The following SLC15A1 variants were observed in gnomAD, a reference collection of about 807,000 sequenced individuals.
The protein encoded by SLC15A1 is Caco-2 oligopeptide transporter.
In SLC15A1, 83 loss-of-function variants were observed where a neutral mutation model predicts 92.9. The ratio of observed to expected loss-of-function variants is 0.89; its 90% CI spans 0.75 to 1.07. SLC15A1 has a LOEUF of 1.07. Among genes scored for constraint, SLC15A1 ranks in the 50% least tolerant of loss-of-function variants. The probability of loss-of-function intolerance (pLI) is 0.00; values close to 1 mark genes in which losing one functional copy is unlikely to be tolerated. For synonymous variants in SLC15A1, 322 were observed against 318.2 expected (o/e 1.01, Z -0.13); for missense variants, 857 against 880.1 (o/e 0.97, Z 0.33).
chr13:98,699,140 T>C (rs942030638), intron 18 of SLC15A1, among the ~76,000 whole-genome samples: 3 of 152,228 alleles, frequency 2.0e-5, no homozygotes, highest in African/African-American at 7.2e-5. Flanking sequence ...ATGTGTTCTG[T>C]GTCCCTGGAG....
intron 5 of SLC15A1, 35 bp downstream of exon 5, chr13:98,723,877 G>A (rs2088278260): frequency 6.2e-7 from 1 of 1,613,318 alleles, no homozygotes. Flanking sequence ...CACAAGGTGG[G>A]AGGGTGATGG....
chr13:98,718,533 C>T (rs1308862413), intron 8 of SLC15A1, among the ~76,000 whole-genome samples: 2 of 152,004 alleles, frequency 1.3e-5, no homozygotes, highest in South Asian at 4.2e-4. Context: ...AACAAAAAAA[C>T]CAGCTAGGTG....
rs779381484 is a variant in SLC15A1, at chr13:98,711,886, G to A, written c.868C>T (p.Leu290Phe). The A allele has an allele frequency of 1.9e-6, 3 of 1,613,690 alleles. No homozygotes were observed. The highest frequency in any genetic ancestry group is 2.2e-5 in the South Asian group (2 of 91,070). ...VTRVMFLYIPLPMFWALFDQQ... is the reference protein window; with the variant it reads ...VTRVMFLYIPFPMFWALFDQQ... ...TCAAACAAGGCCCAGAACATTGGGA[G>A]TGGAATATACAGGAACATCACCCTC... is the stretch of plus-strand genomic sequence containing the variant. The change falls in exon 11 of 23, where the codon CTC becomes TTC. Residue 290 changes from leucine to phenylalanine, a missense_variant. Coordinates refer to ENST00000376503, the MANE Select transcript of SLC15A1 (RefSeq NM_005073.4).
intron 1 of SLC15A1, among the ~76,000 whole-genome samples, chr13:98,739,153 C>T (rs1419655627): frequency 2.0e-5 from 3 of 152,200 alleles, no homozygotes; most frequent in Non-Finnish European, 4.4e-5. Flanking sequence ...GAATGTTTAC[C>T]CAATGCCTAT....
intron 14 of SLC15A1, 152 bp from the exon 15 acceptor site, chr13:98,708,919 A>G: frequency 2.1e-6 from 1 of 472,742 alleles, no homozygotes; most frequent in East Asian, 3.8e-5. Flanking sequence ...TGGATTCATG[A>G]GGATTCAAGG....
rs761412933 is a variant in SLC15A1, at chr13:98,688,316, A to G, written c.1615T>C (p.Cys539Arg). The change falls in exon 20 of 23, where the codon TGT becomes CGT. Residue 539 changes from cysteine (C) to arginine (R), a missense_variant. Cys to Arg is a radical substitution (Grantham distance 180). Transcript: ENST00000376503. Reference protein sequence around the residue: ...TISSTEIPPQCQPNFNTFYLE... With the variant: ...TISSTEIPPQRQPNFNTFYLE... ...TAGAAAGTATTGAAATTAGGTTGACATTGTGGCGGAATCTCTGTTGAGCTT... is the reference window on the plus strand; with the variant it reads ...TAGAAAGTATTGAAATTAGGTTGACGTTGTGGCGGAATCTCTGTTGAGCTT... 3 of 1,614,106 alleles carry G rather than the reference A, an allele frequency of 1.9e-6. No homozygotes were observed. The highest frequency in any genetic ancestry group is 1.1e-5 in the South Asian group (1 of 91,082).
At chr13:98,744,462 A>G (rs1223678750) in intron 1 of SLC15A1, among the ~76,000 whole-genome samples, 1 of 151,948 alleles carries the variant, frequency 6.6e-6, no homozygotes, top group East Asian at 1.9e-4. Flanking sequence ...ATTAAAAGTA[A>G]TGGCAAAGCC....
At chr13:98,692,952 T>C (rs1213422195) in intron 18 of SLC15A1, among the ~76,000 whole-genome samples, 4 of 152,024 alleles carry the variant, frequency 2.6e-5, no homozygotes, top group Middle Eastern at 3.2e-3. Context: ...TTGCTCAGGC[T>C]GGTCTTGAAA....
chr13:98,726,498 C>G, intron 2 of SLC15A1, 49 bp from the exon 3 acceptor site: 1 of 1,542,462 alleles, frequency 6.5e-7, no homozygotes, highest in Non-Finnish European at 8.9e-7. Context: ...CCCCACTGGT[C>G]CATAGCCACA....
chr13:98,737,775 C>A (rs1022961557), intron 1 of SLC15A1, among the ~76,000 whole-genome samples: 10 of 152,126 alleles, frequency 6.6e-5, no homozygotes, highest in African/African-American at 1.2e-4. Context: ...TATAAAGATA[C>A]CTGAAAATGT....
chr13:98,738,004 G>A (rs1157043351), intron 1 of SLC15A1, among the ~76,000 whole-genome samples: 2 of 152,178 alleles, frequency 1.3e-5, no homozygotes, highest in Non-Finnish European at 2.9e-5. Context: ...TTATGTCTTA[G>A]CAAAGAACTT....
rs4001067 is a variant in SLC15A1, at chr13:98,711,665, G to GGTTTT, written c.900+184_900+188dup. On this transcript the variant is annotated intron_variant, in intron 11 of 22. Transcript: ENST00000376503. ...GATAGAACTACCTAGAATTGCTTTT[G>GGTTTT]GTTTTGTTTTGTTTTGTTTTGTTTT... 7.3e-5 allele frequency among the ~76,000 whole-genome samples: 11 copies of GGTTTT among 151,266 alleles called. No homozygotes were observed. The East Asian group carries it at 1.9e-3, about 27-fold the overall frequency.
intron 11 of SLC15A1, 66 bp downstream of exon 11, chr13:98,711,788 G>T: frequency 8.7e-7 from 1 of 1,150,008 alleles, no homozygotes; most frequent in Non-Finnish European, 1.3e-6. Flanking sequence ...AGTGAGCCTT[G>T]GTACCTGGCA....
At chr13:98,739,376 T>A (rs2088421892) in intron 1 of SLC15A1, among the ~76,000 whole-genome samples, 1 of 152,206 alleles carries the variant, frequency 6.6e-6, no homozygotes, top group Admixed American at 6.5e-5. Flanking sequence ...TGATACAGTT[T>A]GAATGCATGT....
chr13:98,745,096 A>T (rs1206580314), intron 1 of SLC15A1, among the ~76,000 whole-genome samples: 1 of 152,322 alleles, frequency 6.6e-6, no homozygotes. Flanking sequence ...CAGAATGGGA[A>T]CGTCGTTTTT....
chr13:98,693,973 C>T (rs555644147), intron 18 of SLC15A1, among the ~76,000 whole-genome samples: 1 of 152,192 alleles, frequency 6.6e-6, no homozygotes, highest in African/African-American at 2.4e-5. Flanking sequence ...GGCCACATAT[C>T]TCCCCAGGTG....
In SLC15A1 at chr13:98,706,134, T is replaced by C; in HGVS notation, c.1269A>G (p.Gln423=). The C allele has an allele frequency of 6.2e-7, 1 of 1,607,832 alleles. No individual in the cohort carries two copies. The highest frequency in any genetic ancestry group is 1.1e-5 in the South Asian group (1 of 89,228). Residue 423 remains glutamine (Q), a splice_region_variant and synonymous_variant, in exon 16 of 23, where the codon CAA becomes CAG. Coordinates refer to ENST00000376503, the MANE Select transcript of SLC15A1 (RefSeq NM_005073.4). ...AAGGCAGCAATTTCCTTCTACTTAC[T>C]TGAGACATTGGGCCAAGTGTCACCA... ...GEMVTLGPMS[Q]TNAFMTFDVN...
intron 1 of SLC15A1, among the ~76,000 whole-genome samples, chr13:98,740,303 C>T (rs774603397): frequency 1.2e-4 from 18 of 152,174 alleles, no homozygotes; most frequent in Non-Finnish European, 2.1e-4. Flanking sequence ...CGCTGTGCTC[C>T]GCACTCCACC....
intron 1 of SLC15A1, among the ~76,000 whole-genome samples, chr13:98,750,775 G>A (rs1234832789): frequency 1.3e-5 from 2 of 149,088 alleles, no homozygotes; most frequent in African/African-American, 2.5e-5. Flanking sequence ...TTTTTGAGAC[G>A]GAGTCTTACT....
Sources: allele counts gnomAD v4.1 joint callset (sites outside exome capture counted in the v4.1 genomes callset), GRCh38; gene constraint gnomAD v4.1.1; transcripts MANE v1.5; gene names NCBI Gene and HGNC (gene_info 2026-07-23, HGNC 2026-07-21).